Variants in NOX5 observed in about 807,000 individuals in gnomAD.
NOX5 encodes the protein NADPH oxidase, EF-hand calcium binding domain 5.
A neutral mutation model predicts 85.7 loss-of-function variants in NOX5; 76 were observed. The observed-to-expected ratio is 0.89, with a 90% CI of 0.74 to 1.07. NOX5 has a LOEUF of 1.07. Ranked by LOEUF, NOX5 falls within the 50% of genes least tolerant of loss-of-function variation. The probability of loss-of-function intolerance (pLI) is 0.00; values close to 1 mark genes in which losing one functional copy is unlikely to be tolerated. For missense variants in NOX5, 973 were observed against 999.5 expected, an observed-to-expected ratio of 0.97 and a Z score of 0.36; for synonymous variants, 405 against 401.4, an observed-to-expected ratio of 1.01 and a Z score of -0.11.
chr15:69,055,664 G>A (rs1368223956), intron 15 of NOX5, among the ~76,000 whole-genome samples, 164 bp downstream of exon 15: 1 of 152,098 alleles, frequency 6.6e-6, no homozygotes, highest in Non-Finnish European at 1.5e-5. Context: ...CACCTACACT[G>A]GCTTTATCAC....
chr15:69,021,640 T>C (rs1385252499), intron 1 of NOX5, among the ~76,000 whole-genome samples: 1 of 152,228 alleles, frequency 6.6e-6, no homozygotes, highest in Non-Finnish European at 1.5e-5. Flanking sequence ...AATTCTTAAA[T>C]AATTATTGGT....
At position 69,058,508 on chromosome 15, in the gene NOX5, GGAA is replaced by G. The variant is rs1567111246; in HGVS notation, c.*1819_*1821del. ...CATCTTTAAGATGTGAGGAGGAACG[GGAA>G]GAAGAATACGAGAGGAGGAGTGGGG... On this transcript the variant is annotated 3_prime_UTR_variant, in exon 16 of 16. Coordinates refer to ENST00000388866, the MANE Select transcript of NOX5 (RefSeq NM_024505.4). 1 of 152,692 alleles carries G rather than the reference GGAA, an allele frequency of 6.5e-6. No homozygotes were observed. Among genetic ancestry groups the G allele is most frequent in the East Asian group, 1.9e-4 (1 of 5,204 alleles). 9.5% of individuals were successfully genotyped at this position (152,692 alleles called of 1,614,324 possible). A position where few individuals can be genotyped will look rare whatever the true frequency, so the allele number is the denominator to read the frequency against.
chr15:69,052,217 CAAA>C (rs60611537), intron 14 of NOX5, among the ~76,000 whole-genome samples: 1 of 131,520 alleles, frequency 7.6e-6, no homozygotes, highest in Non-Finnish European at 1.7e-5. Context: ...GACCCTGTCT[CAAA>C]AAAAAAAAAA....
At chr15:69,036,359 A>G (rs760710149) in intron 7 of NOX5, among the ~76,000 whole-genome samples, 3 of 152,214 alleles carry the variant, frequency 2.0e-5, no homozygotes, top group Non-Finnish European at 2.9e-5. Flanking sequence ...ATACATGTAA[A>G]ACCACTAACT....
chr15:69,025,771 T>C (rs986147836), intron 1 of NOX5, among the ~76,000 whole-genome samples: 3 of 152,310 alleles, frequency 2.0e-5, no homozygotes. Flanking sequence ...TTTGGTTTCC[T>C]GGGTCCTAAT....
At chr15:69,031,493 A>G (rs773662196) in intron 3 of NOX5, 25 bp from the exon 4 acceptor site, 2 of 1,584,794 alleles carry the variant, frequency 1.3e-6, no homozygotes, top group Admixed American at 1.7e-5. Context: ...GTGGGTAAAC[A>G]GAAGAGGCCC....
Position 69,060,696 on chromosome 15 carries a change from TAAAAG to T in NOX5, c.*4010_*4014del, listed in dbSNP as rs2050863199. Reference sequence around the variant, plus strand: ...AAGAAACCCCAAATAGGATGTCATGTAAAAGAAAAGAAAAAACAAGTACCAAGTGT... The same window carrying T: ...AAGAAACCCCAAATAGGATGTCATGTAAAAGAAAAAACAAGTACCAAGTGT... On this transcript the variant is annotated 3_prime_UTR_variant, in exon 16 of 16. Transcript: ENST00000388866. The T allele has an allele frequency of 6.6e-6, 1 of 152,204 alleles. No homozygotes were observed. Among genetic ancestry groups the T allele is most frequent in the Non-Finnish European group, 1.5e-5 (1 of 68,036 alleles). The allele number at this position is 152,204 out of a possible 1,614,324, so 9.4% of individuals were successfully genotyped here.
At chr15:69,048,167 G>C (rs1164693363) in intron 13 of NOX5, among the ~76,000 whole-genome samples, 1 of 152,240 alleles carries the variant, frequency 6.6e-6, no homozygotes, top group Non-Finnish European at 1.5e-5. Context: ...TGCAAAGCTT[G>C]ACAGCTAGGC....
rs975255147 is a variant in NOX5, at chr15:69,031,672, G to T, written c.480G>T (p.Ser160=). The T allele has an allele frequency of 1.2e-6, 2 of 1,613,086 alleles. No homozygotes were observed. Among genetic ancestry groups the T allele is most frequent in the African/African-American group, 2.7e-5 (2 of 74,954 alleles). ...LQSCLRESAI[S]LPDEKLDQLT... Reference sequence around the variant, plus strand: ...CGTGTCTGCGCGAGAGCGCCATCTCGCTGCCTGACGAGAAGCTGGACCAGC... The same window carrying T: ...CGTGTCTGCGCGAGAGCGCCATCTCTCTGCCTGACGAGAAGCTGGACCAGC... The change falls in exon 4 of 16, where the codon TCG becomes TCT. Residue 160 remains serine, a synonymous_variant. Transcript: ENST00000388866.
chr15:69,032,967 A>T, intron 4 of NOX5, 76 bp from the exon 5 acceptor site: 20 of 1,506,978 alleles, frequency 1.3e-5, no homozygotes, highest in Non-Finnish European at 1.7e-5. Context: ...CATAGCTTGA[A>T]GGGGGTCTTT....
In NOX5 at chr15:69,061,770, C is replaced by G. The variant is rs2050872745; in HGVS notation, c.*5074C>G. 6.6e-6 allele frequency: 1 copy of G among 152,098 alleles called. No homozygotes were observed. The highest frequency in any genetic ancestry group is 2.4e-5 in the African/African-American group (1 of 41,404). The allele number at this position is 152,098 out of a possible 1,614,324, so 9.4% of individuals were successfully genotyped here. ...TAATACTACTCAGGGACAAATGGGC[C>G]CTCTTAAACTACCCTAGCTGTGTGA... On this transcript the variant is annotated 3_prime_UTR_variant, in exon 16 of 16. Transcript: ENST00000388866.
intron 14 of NOX5, among the ~76,000 whole-genome samples, chr15:69,050,347 G>C (rs1176533797): frequency 1.3e-5 from 2 of 152,178 alleles, no homozygotes; most frequent in African/African-American, 2.4e-5. Flanking sequence ...ATCTGGGAAA[G>C]TTTTCCTTCT....
chr15:69,033,655 T>C (rs1470215043), intron 5 of NOX5, among the ~76,000 whole-genome samples: 2 of 151,408 alleles, frequency 1.3e-5, no homozygotes, highest in Non-Finnish European at 2.9e-5. Flanking sequence ...CTCTGGCTCA[T>C]GGATGAGGCC....
In NOX5 at chr15:69,048,944, G is replaced by A. The variant is rs568252258; in HGVS notation, c.1900-15G>A. The A allele has an allele frequency of 6.2e-7, 1 of 1,600,794 alleles. No individual in the cohort carries two copies. The highest frequency in any genetic ancestry group is 1.1e-5 in the South Asian group (1 of 88,822). On this transcript the variant is annotated splice_polypyrimidine_tract_variant and intron_variant, in intron 13 of 15. Coordinates refer to ENST00000388866, the MANE Select transcript of NOX5 (RefSeq NM_024505.4). Reference sequence around the variant, plus strand: ...GGGAGACCCAGCCTCTGAGCTGAAGGGCCTCTCTCCGTAGGTGGACTTTAT... The same window carrying A: ...GGGAGACCCAGCCTCTGAGCTGAAGAGCCTCTCTCCGTAGGTGGACTTTAT...
At chr15:69,048,072 C>T (rs1348935957) in intron 13 of NOX5, among the ~76,000 whole-genome samples, 161 bp downstream of exon 13, 1 of 152,226 alleles carries the variant, frequency 6.6e-6, no homozygotes, top group Non-Finnish European at 1.5e-5. Flanking sequence ...TGAGTTATCC[C>T]GGTGCCTCCT....
At chr15:69,037,907 C>T (rs2050542806) in intron 8 of NOX5, 1 of 152,350 alleles carries the variant, frequency 6.6e-6, no homozygotes, top group Admixed American at 6.5e-5. Flanking sequence ...TGGGGAACCC[C>T]TGAGCACGCT....
intron 3 of NOX5, chr15:69,029,015 C>A (rs2140254636): frequency 6.6e-6 from 1 of 152,182 alleles, no homozygotes; most frequent in Admixed American, 6.5e-5. Flanking sequence ...GCCATCTTAA[C>A]CATTTTTAAG....
intron 2 of NOX5, among the ~76,000 whole-genome samples, chr15:69,027,189 T>A (rs569411868): frequency 5.1e-4 from 77 of 152,216 alleles, no homozygotes; most frequent in Non-Finnish European, 1.0e-3. Context: ...CCGATGAGCA[T>A]CTGAATGCCC....
intron 13 of NOX5, among the ~76,000 whole-genome samples, chr15:69,048,354 G>A (rs311928): frequency 0.88 from 134,357 of 152,130 alleles, 60,531 homozygotes; most frequent in Non-Finnish European, 0.97. Flanking sequence ...GCAACATGGC[G>A]AAACCCCATC....
Sources: gnomAD v4.1 joint callset for allele counts (sites outside exome capture counted in the v4.1 genomes callset) on GRCh38, gnomAD v4.1.1 for gene constraint, MANE v1.5 for transcripts, NCBI Gene and HGNC (gene_info 2026-07-23, HGNC 2026-07-21) for gene names.